SVIL: variants seen among roughly 807,000 people sequenced by gnomAD.
SVIL encodes supervillin, also known as archvillin.
A neutral mutation model predicts 240.4 loss-of-function variants in SVIL; 101 were observed. The ratio of observed to expected loss-of-function variants is 0.42; its 90% confidence interval spans 0.36 to 0.50. The LOEUF is 0.50. SVIL is among the 20% of genes least tolerant of loss of function. The pLI is 0.01. For missense variants in SVIL, 2,512 were observed against 2,818.7 expected, an observed-to-expected ratio of 0.89 and a Z score of 2.46; for synonymous variants, 999 against 1,100.0, an observed-to-expected ratio of 0.91 and a Z score of 1.82.
chr10:29,664,080 A>C (rs1428084011), intron 2 of SVIL, among the ~76,000 whole-genome samples: 2 of 152,186 alleles, frequency 1.3e-5, no homozygotes, highest in Non-Finnish European at 2.9e-5. Context: ...CCATGACAGC[A>C]CAGGTTCTTA....
At chr10:29,532,282 C>A in intron 8 of SVIL, 110 bp from the exon 9 acceptor site, 1 of 1,348,474 alleles carries the variant, frequency 7.4e-7, no homozygotes, top group Non-Finnish European at 1.0e-6. Context: ...CACCACCAAA[C>A]CCCTCTTCAT....
chr10:29,554,381 C>T (rs1230219374), intron 5 of SVIL, among the ~76,000 whole-genome samples: 2 of 152,188 alleles, frequency 1.3e-5, no homozygotes, highest in South Asian at 2.1e-4. Context: ...TCCACTGGCT[C>T]ACGCTTGTAT....
At chr10:29,736,083 C>T (rs1964887753), upstream of SVIL, among the ~76,000 whole-genome samples, 1 of 152,066 alleles carries the variant, frequency 6.6e-6, no homozygotes, top group Admixed American at 6.5e-5. Flanking sequence ...AACGCGGGCA[C>T]CCCTTCCCAA....
rs187909725 is a variant in SVIL at position 29,572,367 on chromosome 10, A to G, written c.-200-3055T>C. On this transcript the variant is annotated intron_variant, in intron 1 of 37. Transcript: ENST00000355867. ...TCAGTACCTTGGATAACTAAATTAGAAACTTGATGGTAAGGTCATAGATAA... is the reference window on the plus strand; with the variant it reads ...TCAGTACCTTGGATAACTAAATTAGGAACTTGATGGTAAGGTCATAGATAA... Among the ~76,000 whole-genome samples, 422 of 152,288 alleles carry G rather than the reference A, an allele frequency of 2.8e-3. 2 individuals carry two copies. The highest frequency in any genetic ancestry group is 9.7e-3 in the African/African-American group (404 of 41,566).
intron 3 of SVIL, among the ~76,000 whole-genome samples, chr10:29,650,913 G>T (rs1958814037): frequency 1.3e-5 from 2 of 152,184 alleles, no homozygotes; most frequent in Non-Finnish European, 2.9e-5. Context: ...GGCAGCAACA[G>T]GAGACCCTGT....
chr10:29,683,339 GC>G (rs1960811322), intron 2 of SVIL, among the ~76,000 whole-genome samples: 1 of 152,178 alleles, frequency 6.6e-6, no homozygotes, highest in South Asian at 2.1e-4. Context: ...CCTCCAGGTA[GC>G]AGGCTTCAGG....
At chr10:29,599,423 C>CT (rs35242004) in intron 1 of SVIL, among the ~76,000 whole-genome samples, 29,648 of 149,542 alleles carry the variant, frequency 0.2, 3,734 homozygotes, top group Non-Finnish European at 0.27. Context: ...TGTTTTAAAA[C>CT]TTTTTTTTTT....
At chr10:29,613,964 G>A (rs1390387667) in intron 1 of SVIL, among the ~76,000 whole-genome samples, 1 of 152,072 alleles carries the variant, frequency 6.6e-6, no homozygotes, top group Admixed American at 6.6e-5. Context: ...GACCACTGTG[G>A]TCAAGGTTTC....
chr10:29,559,194 TC>T (rs1954223359), intron 3 of SVIL, among the ~76,000 whole-genome samples: 1 of 151,996 alleles, frequency 6.6e-6, no homozygotes, highest in Non-Finnish European at 1.5e-5. Context: ...AGGTTTGTGT[TC>T]TTTTAAAACT....
intron 1 of SVIL, among the ~76,000 whole-genome samples, chr10:29,613,791 T>C (rs1415753510): frequency 6.6e-6 from 1 of 152,244 alleles, no homozygotes; most frequent in Non-Finnish European, 1.5e-5. Flanking sequence ...TACTCACCTA[T>C]AATTTGACAT....
rs752990261 is a variant in SVIL, at chr10:29,550,731, A to T, written c.693T>A (p.Ser231=). Residue 231 remains serine, a synonymous_variant, in exon 6 of 38, where the codon TCT becomes TCA. Coordinates refer to ENST00000355867, the MANE Select transcript of SVIL (RefSeq NM_021738.3). ...TGAAGGAGGAGTCTCGCCCAGAGAA[A>T]GAGAAGGTCGAGGAACTCTCGGCTG... ...SPAAESSSTF[S]FSGRDSSFTE... is the part of the protein sequence containing the mutation. 20 of 1,614,138 alleles carry T rather than the reference A, an allele frequency of 1.2e-5. No homozygotes were observed. The East Asian group carries it at 1.3e-4, about 11-fold the overall frequency.
intron 1 of SVIL, among the ~76,000 whole-genome samples, chr10:29,589,460 A>T (rs1956301580): frequency 6.6e-6 from 1 of 152,212 alleles, no homozygotes; most frequent in Admixed American, 6.5e-5. Context: ...AGCATGCAGC[A>T]CGGAACAGGC....
intron 1 of SVIL, among the ~76,000 whole-genome samples, chr10:29,707,578 A>G (rs1962977406): frequency 6.6e-6 from 1 of 152,150 alleles, no homozygotes; most frequent in Non-Finnish European, 1.5e-5. Context: ...TTGCTTGAAG[A>G]TATCTGTGGT....
At chr10:29,476,296 G>A (rs1343953700) in intron 29 of SVIL, among the ~76,000 whole-genome samples, 1 of 152,244 alleles carries the variant, frequency 6.6e-6, no homozygotes, top group African/African-American at 2.4e-5. Context: ...CTTGAAATCT[G>A]TTAGCACTCA....
upstream of SVIL, chr10:29,635,119 G>A (rs1210272086): frequency 6.6e-6 from 1 of 152,156 alleles, no homozygotes; most frequent in African/African-American, 2.4e-5. Context: ...AATGCAATTA[G>A]GTTGTCCACA....
In SVIL at chr10:29,496,176, T is replaced by TA. The variant is rs536458428; in HGVS notation, c.3665-996dup. On this transcript the variant is annotated intron_variant, in intron 18 of 37. Coordinates refer to ENST00000355867, the MANE Select transcript of SVIL (RefSeq NM_021738.3). ...AGTATTATAGCATTAAAAAATTTAA[T>TA]AAAAAAAACCATTAAATGGTTTAAA... Among the ~76,000 whole-genome samples, 363 of 152,088 alleles carry TA rather than the reference T, an allele frequency of 2.4e-3. 2 individuals carry two copies. Among genetic ancestry groups the TA allele is most frequent in the Admixed American group, 4.8e-3 (74 of 15,292 alleles).
intron 1 of SVIL, among the ~76,000 whole-genome samples, chr10:29,704,881 G>A (rs531585991): frequency 2.8e-4 from 42 of 152,256 alleles, no homozygotes; most frequent in Non-Finnish European, 2.1e-4. Context: ...GGTTGGGGAA[G>A]GGAACAGGGA....
chr10:29,730,775 C>T (rs940890185), intron 1 of SVIL, among the ~76,000 whole-genome samples: 17 of 152,306 alleles, frequency 1.1e-4, no homozygotes, highest in African/African-American at 4.1e-4. Flanking sequence ...GGGTTTTATA[C>T]ATGCCCAAGC....
At chr10:29,620,104 C>A (rs1271288688) in intron 1 of SVIL, among the ~76,000 whole-genome samples, 1 of 151,908 alleles carries the variant, frequency 6.6e-6, no homozygotes, top group Non-Finnish European at 1.5e-5. Context: ...GCCATCAGAA[C>A]CGTGTAAATG....
Sources: gnomAD v4.1 joint callset for allele counts (sites outside exome capture counted in the v4.1 genomes callset) on GRCh38, gnomAD v4.1.1 for gene constraint, MANE v1.5 for transcripts, NCBI Gene and HGNC (gene_info 2026-07-23, HGNC 2026-07-21) for gene names.